Variants in CR2 observed in about 807,000 individuals in gnomAD.
The protein encoded by CR2 is complement C3d receptor 2.
In CR2, 96 loss-of-function variants were observed where a neutral mutation model predicts 123.0. The ratio of observed to expected loss-of-function variants is 0.78; its 90% CI spans 0.66 to 0.93. The LOEUF (loss-of-function observed/expected upper bound fraction) is 0.93. Among genes scored for constraint, CR2 ranks in the 40% least tolerant of loss-of-function variants. The pLI is 0.00. For synonymous variants in CR2, 484 were observed against 469.5 expected (o/e 1.03, Z -0.40); for missense variants, 1,258 against 1,361.0 (o/e 0.92, Z 1.19).
Position 207,473,890 on chromosome 1 carries a change from G to T in CR2, c.2240+5G>T, listed in dbSNP as rs777912476. 1 of 1,612,992 alleles carries T rather than the reference G, an allele frequency of 6.2e-7. No homozygotes were observed. The highest frequency in any genetic ancestry group is 8.5e-7 in the Non-Finnish European group (1 of 1,179,206). ...TAATACGTCCTGCCAAGATGGGTGA[G>T]TATGAAGTGGTCTATTCTGAGAAAA... is the stretch of plus-strand genomic sequence containing the variant. On this transcript the variant is annotated splice_donor_5th_base_variant and intron_variant, in intron 12 of 19. Transcript: ENST00000367057.
rs771075787 is a variant in CR2, at chr1:207,471,064, T to C, written c.1470T>C (p.Asp490=). The C allele has an allele frequency of 6.2e-7, 1 of 1,613,578 alleles. No homozygotes were observed. The highest frequency in any genetic ancestry group is 8.5e-7 in the Non-Finnish European group (1 of 1,179,816). Reference sequence around the variant, plus strand: ...CCCAGCACCAATTTGTTAGACCAGATGTCAACTCTTCTTGTGGTGAAGGGT... The same window carrying C: ...CCCAGCACCAATTTGTTAGACCAGACGTCAACTCTTCTTGTGGTGAAGGGT... ...TKPQHQFVRP[D]VNSSCGEGYK... The change falls in exon 8 of 20, where the codon GAT becomes GAC. Residue 490 remains aspartate (D), a synonymous_variant. Coordinates refer to ENST00000367057, the MANE Select transcript of CR2 (RefSeq NM_001006658.3).
chr1:207,465,447 G>A (rs1025087349), intron 1 of CR2, among the ~76,000 whole-genome samples: 2 of 152,130 alleles, frequency 1.3e-5, no homozygotes, highest in Non-Finnish European at 2.9e-5. Context: ...ATCCATAGGT[G>A]TGCTTTGAAC....
chr1:207,480,246 T>C (rs889152305), intron 18 of CR2, among the ~76,000 whole-genome samples, 193 bp downstream of exon 18: 2 of 152,240 alleles, frequency 1.3e-5, no homozygotes, highest in African/African-American at 4.8e-5. Flanking sequence ...TAGCTTATTT[T>C]ATTGAATGAT....
At position 207,486,230 on chromosome 1, in the gene CR2, C is replaced by CAAAAAAAAAAA. The variant is rs1173937738; in HGVS notation, c.*18+674_*18+684dup. ...TGGACAACAGAGCAAGACTGCATCTCAAAAAAAAAAAAAAAAAAAAAAAAA... is the reference window on the plus strand; with the variant it reads ...TGGACAACAGAGCAAGACTGCATCTCAAAAAAAAAAAAAAAAAAAAAAAAAAAAAAAAAAAA... On this transcript the variant is annotated intron_variant, in intron 19 of 19. Transcript: ENST00000367057. 2.8e-3 allele frequency among the ~76,000 whole-genome samples: 119 copies of CAAAAAAAAAAA among 43,004 alleles called. 12 individuals carry two copies. In the East Asian group the frequency reaches 0.037, roughly 13 times the overall value. The allele number at this position is 43,004 out of a possible 152,430, so 28.2% of individuals were successfully genotyped here.
In CR2 at chr1:207,458,408, C is replaced by T. The variant is rs146796037; in HGVS notation, c.58+3932C>T. 4.6e-3 allele frequency among the ~76,000 whole-genome samples: 707 copies of T among 152,158 alleles called. 3 individuals carry two copies. Among genetic ancestry groups the T allele is most frequent in the African/African-American group, 0.012 (509 of 41,506 alleles). On this transcript the variant is annotated intron_variant, in intron 1 of 19. Transcript: ENST00000367057. ...GCCTTGTGATTCTCCTGCTTGAACT[C>T]TCCAATGACTTCTATTCAGGATAAT... is the stretch of plus-strand genomic sequence containing the variant.
chr1:207,488,025 A>G lies in CR2; in HGVS notation c.*19-1117A>G, dbSNP rs1658794959. On this transcript the variant is annotated intron_variant, in intron 19 of 19. Coordinates refer to ENST00000367057, the MANE Select transcript of CR2 (RefSeq NM_001006658.3). ...TTAAATCATCAACTAAGAACTGAAG[A>G]CTGAATTATAGGGAGTACAGAAAGG... Among the ~76,000 whole-genome samples the G allele has an allele frequency of 2.0e-5, 3 of 152,334 alleles. 1 individual carries two copies. The South Asian group carries it at 6.2e-4, about 32-fold the overall frequency.
chr1:207,470,709 A>T (rs953097565), intron 6 of CR2, 31 bp from the exon 7 acceptor site: 1 of 1,606,522 alleles, frequency 6.2e-7, no homozygotes, highest in Non-Finnish European at 8.5e-7. Context: ...TTACTTAAGC[A>T]GTTATGTTTT....
At chr1:207,462,742 G>T (rs1368949897) in intron 1 of CR2, among the ~76,000 whole-genome samples, 1 of 152,194 alleles carries the variant, frequency 6.6e-6, no homozygotes, top group Non-Finnish European at 1.5e-5. Flanking sequence ...ATTGAATGAA[G>T]AGAAGAGAGT....
chr1:207,471,057 G>A lies in CR2; in HGVS notation c.1463G>A (p.Arg488Lys), dbSNP rs1481880717. 1.2e-6 allele frequency: 2 copies of A among 1,613,692 alleles called. No homozygotes were observed. The highest frequency in any genetic ancestry group is 8.5e-7 in the Non-Finnish European group (1 of 1,179,828). ...LLTKPQHQFV[R>K]PDVNSSCGEG... ...ACAAAACCCCAGCACCAATTTGTTA[G>A]ACCAGATGTCAACTCTTCTTGTGGT... The change falls in exon 8 of 20, where the codon AGA (arginine) becomes AAA (lysine). Residue 488 changes from arginine to lysine, a missense_variant. Coordinates refer to ENST00000367057, the MANE Select transcript of CR2 (RefSeq NM_001006658.3).
chr1:207,487,326 G>A (rs768957136), intron 19 of CR2, among the ~76,000 whole-genome samples: 5 of 152,086 alleles, frequency 3.3e-5, no homozygotes, highest in Non-Finnish European at 7.4e-5. Context: ...TCACTCTGTC[G>A]CCCAGGCTGG....
chr1:207,478,085 C>T lies in CR2; in HGVS notation c.3088+15C>T, dbSNP rs759421529. Reference sequence around the variant, plus strand: ...TTGCAGATCCCGTAAGTACCAAGGGCTTCACCGCCGCTTGTAACTGGCTAA... The same window carrying T: ...TTGCAGATCCCGTAAGTACCAAGGGTTTCACCGCCGCTTGTAACTGGCTAA... On this transcript the variant is annotated intron_variant, in intron 16 of 19. Transcript: ENST00000367057. The T allele has an allele frequency of 3.9e-5, 63 of 1,611,512 alleles. No individual in the cohort carries two copies. The highest frequency in any genetic ancestry group is 6.7e-5 in the Admixed American group (4 of 59,812).
rs1658106417 is a variant in CR2, at chr1:207,466,632, C to T, written c.165C>T (p.Phe55=). ...TVIRYSCSGT[F]RLIGEKSLLC... ...TAAGGTACAGTTGTTCAGGTACCTT[C>T]CGCCTCATTGGAGAAAAAAGTCTAT... is the stretch of plus-strand genomic sequence containing the variant. The change falls in exon 2 of 20, where the codon TTC becomes TTT. Residue 55 remains phenylalanine (F), a synonymous_variant. Transcript: ENST00000367057. 3 of 1,613,958 alleles carry T rather than the reference C, an allele frequency of 1.9e-6. No individual in the cohort carries two copies. In the African/African-American group the frequency reaches 4.0e-5, roughly 22 times the overall value.
Position 207,454,541 on chromosome 1 carries a change from G to T in CR2, c.58+65G>T. 12 of 1,282,312 alleles carry T rather than the reference G, an allele frequency of 9.4e-6. No individual in the cohort carries two copies. Among genetic ancestry groups the T allele is most frequent in the Non-Finnish European group, 1.3e-5 (12 of 939,964 alleles). 79.4% of individuals were successfully genotyped at this position (1,282,312 alleles called of 1,614,324 possible). A position where few individuals can be genotyped will look rare whatever the true frequency, so the allele number is the denominator to read the frequency against. The stretch of plus-strand genomic sequence containing the variant: ...CGGGCAGGGAAAGTTTCTGTGCCGC[G>T]ATGCAAAGCAGGGGGCCAAAAGCGA... On this transcript the variant is annotated intron_variant, in intron 1 of 19. Transcript: ENST00000367057. The surrounding 1 kb of genome is among the most constrained non-coding windows in gnomAD (Gnocchi z 4.3).
At chr1:207,470,639 C>T in intron 6 of CR2, 101 bp from the exon 7 acceptor site, 1 of 1,154,718 alleles carries the variant, frequency 8.7e-7, no homozygotes, top group Non-Finnish European at 1.3e-6. Context: ...ACAGCTGACG[C>T]CAGAGTGGAA....
Position 207,476,301 on chromosome 1 carries a change from A to AT in CR2, c.2788dup (p.Ser930PhefsTer11). The AT allele has an allele frequency of 6.2e-7, 1 of 1,613,718 alleles. No homozygotes were observed. On this transcript the variant is annotated frameshift_variant, in exon 15 of 20. Transcript: ENST00000367057. LOFTEE classifies it high-confidence loss of function. ...ACCATACTGGTGGAAACATAGCTCG[A>AT]TTTTCTCCTGGAATGTCAATCCTGT...
rs776320907 is a variant in CR2, at chr1:207,469,796, C to G, written c.919C>G (p.Pro307Ala). ...AAGCATAGTCACTTACACTTGTGACCCGGACCCAGAGGAAGGAGTGAACTT... is the reference window on the plus strand; with the variant it reads ...AAGCATAGTCACTTACACTTGTGACGCGGACCCAGAGGAAGGAGTGAACTT... ...YGSIVTYTCDPDPEEGVNFIL... is the reference protein window; with the variant it reads ...YGSIVTYTCDADPEEGVNFIL... The change falls in exon 6 of 20, where the codon CCG (proline) becomes GCG (alanine). Residue 307 changes from proline (P) to alanine (A), a missense_variant. Transcript: ENST00000367057. 3 of 1,613,868 alleles carry G rather than the reference C, an allele frequency of 1.9e-6. No individual in the cohort carries two copies. Among genetic ancestry groups the G allele is most frequent in the South Asian group, 2.2e-5 (2 of 91,072 alleles).
chr1:207,487,987 A>T (rs1658794180), intron 19 of CR2, among the ~76,000 whole-genome samples: 1 of 152,234 alleles, frequency 6.6e-6, no homozygotes, highest in African/African-American at 2.4e-5. Context: ...AGTTAAGAAG[A>T]AAAAGGAAGG....
At chr1:207,475,810 C>T (rs767136923) in intron 14 of CR2, among the ~76,000 whole-genome samples, 1 of 152,184 alleles carries the variant, frequency 6.6e-6, no homozygotes, top group Non-Finnish European at 1.5e-5. Context: ...TGCTTCCCAG[C>T]AAGGCACCAG....
chr1:207,477,757 C>T, intron 15 of CR2, 128 bp from the exon 16 acceptor site: 1 of 753,062 alleles, frequency 1.3e-6, no homozygotes, highest in Non-Finnish European at 2.3e-6. Context: ...TATCCTATTT[C>T]AGTGCAGCTT....
Sources: allele counts gnomAD v4.1 joint callset (sites outside exome capture counted in the v4.1 genomes callset), GRCh38; gene constraint gnomAD v4.1.1; non-coding constraint Gnocchi (gnomAD v3.1); transcripts MANE v1.5; gene names NCBI Gene and HGNC (gene_info 2026-07-23, HGNC 2026-07-21).